The following RTTN variants were observed in gnomAD, a reference collection of about 807,000 sequenced individuals.
RTTN encodes rotatin.
In RTTN, 182 loss-of-function variants were observed where a neutral mutation model predicts 269.2. The observed-to-expected ratio is 0.68, with a 90% confidence interval of 0.60 to 0.76. RTTN has a LOEUF of 0.76. Among genes scored for constraint, RTTN ranks in the 30% least tolerant of loss-of-function variants. The pLI, the probability that RTTN is intolerant of heterozygous loss-of-function variation, is 0.00. For synonymous variants in RTTN, 1,006 were observed against 963.5 expected, an observed-to-expected ratio of 1.04 and a Z score of -0.82; for missense variants, 2,545 against 2,608.6, an observed-to-expected ratio of 0.98 and a Z score of 0.53.
chr18:70,013,413 C>G (rs190863840), intron 46 of RTTN, among the ~76,000 whole-genome samples: 99 of 145,632 alleles, frequency 6.8e-4, no homozygotes, highest in African/African-American at 1.6e-3. Context: ...GTGTGTGTGT[C>G]TGTGTGTGTG....
intron 32 of RTTN, among the ~76,000 whole-genome samples, chr18:70,085,791 AAG>A (rs1221050423): frequency 2.0e-5 from 3 of 152,140 alleles, no homozygotes; most frequent in Non-Finnish European, 2.9e-5. Context: ...CATGGACATA[AAG>A]ACAGACATAA....
chr18:70,100,924 A>C (rs1399336383), intron 28 of RTTN, among the ~76,000 whole-genome samples: 1 of 152,162 alleles, frequency 6.6e-6, no homozygotes, highest in Non-Finnish European at 1.5e-5. Flanking sequence ...CCAGGGATGA[A>C]GCCCACTTGA....
At chr18:70,114,167 ATAAT>A (rs2059545106) in intron 27 of RTTN, among the ~76,000 whole-genome samples, 1 of 152,112 alleles carries the variant, frequency 6.6e-6, no homozygotes, top group Non-Finnish European at 1.5e-5. Context: ...AGATTTGTAG[ATAAT>A]TAAGAGAGAA....
chr18:70,137,677 T>C (rs138048110), intron 21 of RTTN, among the ~76,000 whole-genome samples: 1 of 152,268 alleles, frequency 6.6e-6, no homozygotes, highest in African/African-American at 2.4e-5. Flanking sequence ...ATCTTGCCTA[T>C]TTGAACTCCT....
At chr18:70,187,993 T>C in intron 10 of RTTN, 115 bp downstream of exon 10, 1 of 644,374 alleles carries the variant, frequency 1.6e-6, no homozygotes, top group Non-Finnish European at 2.8e-6. Context: ...TGGGACATAT[T>C]GAGTCAAAAA....
chr18:70,040,906 T>C (rs1023238846), intron 40 of RTTN, among the ~76,000 whole-genome samples: 1 of 152,058 alleles, frequency 6.6e-6, no homozygotes, highest in African/African-American at 2.4e-5. Context: ...AAGAAGAAAA[T>C]TGAAAAATTT....
chr18:70,130,324 A>C (rs936844468), intron 23 of RTTN: 1 of 151,984 alleles, frequency 6.6e-6, no homozygotes, highest in Non-Finnish European at 1.5e-5. Flanking sequence ...AGATATATGC[A>C]CTCCCATGTT....
chr18:70,017,365 G>T, intron 46 of RTTN, 42 bp downstream of exon 46: 2 of 1,564,870 alleles, frequency 1.3e-6, no homozygotes, highest in South Asian at 2.3e-5. Flanking sequence ...AACAGTCTAT[G>T]AATAACTACA....
intron 30 of RTTN, chr18:70,091,756 CT>C (rs879690117): frequency 6.7e-3 from 982 of 146,718 alleles, no homozygotes; most frequent in Middle Eastern, 0.014. Context: ...TGTTTTGTGT[CT>C]TTTTTTTTTT....
intron 40 of RTTN, among the ~76,000 whole-genome samples, chr18:70,039,702 T>C (rs540689380): frequency 2.0e-5 from 3 of 152,152 alleles, no homozygotes; most frequent in Non-Finnish European, 4.4e-5. Flanking sequence ...ACTACTCTTA[T>C]CTTAAGTAGA....
chr18:70,071,484 G>A (rs1172881054), intron 34 of RTTN, among the ~76,000 whole-genome samples: 1 of 152,192 alleles, frequency 6.6e-6, no homozygotes, highest in African/African-American at 2.4e-5. Flanking sequence ...AGGTGTGTAA[G>A]AGGCACAAAC....
At chr18:70,157,154 G>A (rs1343980640) in intron 14 of RTTN, among the ~76,000 whole-genome samples, 2 of 152,040 alleles carry the variant, frequency 1.3e-5, no homozygotes, top group African/African-American at 4.8e-5. Context: ...CCCACCACAA[G>A]TGCACTCTCC....
At chr18:70,094,622 A>C (rs1488287474) in intron 28 of RTTN, among the ~76,000 whole-genome samples, 4 of 152,128 alleles carry the variant, frequency 2.6e-5, no homozygotes. Flanking sequence ...GCTGACTTCT[A>C]ATTTGATTCC....
chr18:70,116,629 A>C (rs2059608136), intron 26 of RTTN, among the ~76,000 whole-genome samples: 1 of 152,116 alleles, frequency 6.6e-6, no homozygotes, highest in South Asian at 2.1e-4. Flanking sequence ...CCTAATTTTA[A>C]ACCAACTACT....
chr18:70,045,797 T>C (rs1340127450), intron 40 of RTTN, among the ~76,000 whole-genome samples: 3 of 152,164 alleles, frequency 2.0e-5, no homozygotes, highest in Non-Finnish European at 4.4e-5. Context: ...TATGATTTAT[T>C]AGGAAACATG....
Position 70,114,503 on chromosome 18 carries a change from T to C in RTTN, c.3625A>G (p.Lys1209Glu). 1.2e-6 allele frequency: 2 copies of C among 1,613,718 alleles called. No homozygotes were observed. Among genetic ancestry groups the C allele is most frequent in the Non-Finnish European group, 1.7e-6 (2 of 1,179,668 alleles). Residue 1209 changes from lysine to glutamate, a missense_variant, in exon 27 of 49, where the codon AAA becomes GAA. Coordinates refer to ENST00000640769, the MANE Select transcript of RTTN (RefSeq NM_173630.4). ...GTATCAAAAAGAGCAATCAGTTCTT[T>C]CTGAAGTTGTTGCCTGACAGCAGTC... is the stretch of plus-strand genomic sequence containing the variant. ...IRTAVRQQLQ[K>E]ELIALFDTLL...
chr18:70,086,292 C>A (rs918875328), intron 32 of RTTN, among the ~76,000 whole-genome samples: 1 of 152,076 alleles, frequency 6.6e-6, no homozygotes, highest in Non-Finnish European at 1.5e-5. Context: ...GCAAAAGTTC[C>A]TAAGCTTAGA....
chr18:70,158,161 G>A (rs2145848984), intron 14 of RTTN, among the ~76,000 whole-genome samples: 1 of 151,858 alleles, frequency 6.6e-6, no homozygotes, highest in East Asian at 1.9e-4. Context: ...GATTCTCCAA[G>A]GTCAACAGGA....
chr18:70,139,753 CCAA>C, intron 20 of RTTN, 37 bp from the exon 21 acceptor site: 1 of 1,267,256 alleles, frequency 7.9e-7, no homozygotes, highest in East Asian at 2.3e-5. Flanking sequence ...TTCATTTTCA[CCAA>C]TTATCAGGTG....
Sources: allele counts gnomAD v4.1 joint callset (sites outside exome capture counted in the v4.1 genomes callset), GRCh38; gene constraint gnomAD v4.1.1; transcripts MANE v1.5; gene names NCBI Gene and HGNC (gene_info 2026-07-23, HGNC 2026-07-21).